OR4K1: variants seen among roughly 807,000 people sequenced by gnomAD.
OR4K1 encodes olfactory receptor family 4 subfamily K member 1.
Under a neutral mutation model 14.4 loss-of-function variants are expected in OR4K1, and 16 were observed. That is an observed-to-expected ratio of 1.11 (90% CI 0.75 to 1.68). The LOEUF (loss-of-function observed/expected upper bound fraction) is 1.68, where lower values mean the gene tolerates loss of function less well. Ranked by LOEUF, OR4K1 falls within the 40% of genes most tolerant of loss-of-function variation. The pLI is 0.00. For missense variants in OR4K1, 548 were observed against 376.9 expected (o/e 1.45, Z -3.76); for synonymous variants, 181 against 133.1 (o/e 1.36, Z -2.48).
chr14:19,935,915 A>G lies in OR4K1; in HGVS notation c.249A>G (p.Val83=). ...ACTTTGCCACCCCCAAGATGCTTGT[A>G]GACTTTTTTATTGAGCGCAAGACTA... ...QSNFATPKML[V]DFFIERKTIS... The change falls in exon 2 of 2, where the codon GTA becomes GTG. Residue 83 remains valine (V), a synonymous_variant. Coordinates refer to ENST00000641172, the MANE Select transcript of OR4K1 (RefSeq NM_001004063.3). 1.2e-6 allele frequency: 2 copies of G among 1,614,226 alleles called. No individual in the cohort carries two copies. The highest frequency in any genetic ancestry group is 1.7e-6 in the Non-Finnish European group (2 of 1,180,038).
upstream of OR4K1, among the ~76,000 whole-genome samples, chr14:19,929,093 T>C (rs1174082631): frequency 6.6e-6 from 1 of 151,880 alleles, no homozygotes; most frequent in Non-Finnish European, 1.5e-5. Context: ...CTTCACGTGC[T>C]TTTTTCTAAT....
rs1442745081 is a variant in OR4K1, at chr14:19,936,244, A to G, written c.578A>G (p.Tyr193Cys). 1 of 1,614,210 alleles carries G rather than the reference A, an allele frequency of 6.2e-7. No individual in the cohort carries two copies. Among genetic ancestry groups the G allele is most frequent in the East Asian group, 2.2e-5 (1 of 44,888 alleles). ...ATAGAGCTGGCTTGCATGGATACAT[A>G]TGAAATGGAAATTATGACCCTAACG... ...LVIELACMDTYEMEIMTLTNS... is the reference protein window; with the variant it reads ...LVIELACMDTCEMEIMTLTNS... The change falls in exon 2 of 2, where the codon TAT becomes TGT. Residue 193 changes from tyrosine to cysteine, a missense_variant. Coordinates refer to ENST00000641172, the MANE Select transcript of OR4K1 (RefSeq NM_001004063.3).
chr14:19,921,127 T>C, the OR4K1 span: 1 of 1,614,082 alleles, frequency 6.2e-7, no homozygotes, highest in South Asian at 1.1e-5. Context: ...CCTAATGTAG[T>C]AGACAGCTTT....
At chr14:19,920,552 C>G in the OR4K1 span, 5 of 1,522,360 alleles carry the variant, frequency 3.3e-6, no homozygotes, top group Admixed American at 8.9e-5. Flanking sequence ...ATTCTGATTC[C>G]TTTCTATTTA....
upstream of OR4K1, among the ~76,000 whole-genome samples, chr14:19,930,631 G>C (rs1882164161): frequency 6.6e-6 from 1 of 152,198 alleles, no homozygotes; most frequent in Admixed American, 6.5e-5. Context: ...AGAGAGTTAG[G>C]AGTTGAATAC....
the OR4K1 span, chr14:19,921,433 C>T: frequency 1.9e-6 from 3 of 1,614,144 alleles, no homozygotes; most frequent in South Asian, 2.2e-5. Flanking sequence ...ATATTTTACA[C>T]TGTTTTCACC....
the OR4K1 span, chr14:19,921,136 T>C: frequency 6.2e-7 from 1 of 1,614,176 alleles, no homozygotes; most frequent in Non-Finnish European, 8.5e-7. Context: ...GTAGACAGCT[T>C]TTTTTGTGAT....
At chr14:19,927,882 T>C (rs963968994), upstream of OR4K1, among the ~76,000 whole-genome samples, 1 of 152,202 alleles carries the variant, frequency 6.6e-6, no homozygotes, top group Non-Finnish European at 1.5e-5. Context: ...ACAGAGATTG[T>C]CTCTGGAATT....
chr14:19,930,785 C>T (rs1294467109), upstream of OR4K1: 1 of 152,242 alleles, frequency 6.6e-6, no homozygotes, highest in East Asian at 1.9e-4. Context: ...CATAATTACT[C>T]CCACTGGAAA....
upstream of OR4K1, among the ~76,000 whole-genome samples, chr14:19,926,784 T>G (rs1201305902): frequency 6.6e-6 from 1 of 152,246 alleles, no homozygotes; most frequent in Non-Finnish European, 1.5e-5. Context: ...TCCAATGAAA[T>G]GGAGATATCC....
upstream of OR4K1, among the ~76,000 whole-genome samples, chr14:19,929,088 C>T (rs548311376): frequency 9.9e-5 from 15 of 151,886 alleles, no homozygotes; most frequent in African/African-American, 2.6e-4. Context: ...AAAATCTTCA[C>T]GTGCTTTTTT....
At chr14:19,920,969 C>G in the OR4K1 span, 7 of 1,614,036 alleles carry the variant, frequency 4.3e-6, no homozygotes, top group Non-Finnish European at 5.9e-6. Flanking sequence ...TGGCCTATGA[C>G]AGGTATGTAG....
upstream of OR4K1, among the ~76,000 whole-genome samples, chr14:19,928,855 T>G (rs59041887): frequency 1.3e-3 from 196 of 152,260 alleles, no homozygotes; most frequent in African/African-American, 4.4e-3. Context: ...TTCTTTATTT[T>G]AATTACTAAT....
chr14:19,934,799 T>C (rs541458476), intron 1 of OR4K1, among the ~76,000 whole-genome samples: 1 of 152,262 alleles, frequency 6.6e-6, no homozygotes, highest in African/African-American at 2.4e-5. Context: ...GCCTCCCAAG[T>C]AGGGGGGAAT....
chr14:19,928,890 G>T (rs1191609237), upstream of OR4K1, among the ~76,000 whole-genome samples: 3 of 152,002 alleles, frequency 2.0e-5, no homozygotes, highest in Non-Finnish European at 4.4e-5. Context: ...CAAGGAATTA[G>T]TCTCATTGGT....
At chr14:19,921,756 ATC>A in the OR4K1 span, 1 of 682,336 alleles carries the variant, frequency 1.5e-6, no homozygotes, top group Non-Finnish European at 2.2e-6. Context: ...ACATGGAAAA[ATC>A]TCTGTTTAGA....
chr14:19,935,921 T>C lies in OR4K1; in HGVS notation c.255T>C (p.Phe85=), dbSNP rs145897406. Residue 85 remains phenylalanine, a synonymous_variant, in exon 2 of 2, where the codon TTT becomes TTC. Coordinates refer to ENST00000641172, the MANE Select transcript of OR4K1 (RefSeq NM_001004063.3). ...CCACCCCCAAGATGCTTGTAGACTT[T>C]TTTATTGAGCGCAAGACTATCTCCT... ...NFATPKMLVD[F]FIERKTISFE... 1,664 of 1,613,960 alleles carry C rather than the reference T, an allele frequency of 1.0e-3. No individual in the cohort carries two copies. The highest frequency in any genetic ancestry group is 1.3e-3 in the Non-Finnish European group (1,496 of 1,179,776).
upstream of OR4K1, among the ~76,000 whole-genome samples, chr14:19,929,426 G>GAGAC (rs1882137823): frequency 2.6e-5 from 4 of 151,226 alleles, no homozygotes; most frequent in African/African-American, 9.7e-5. Flanking sequence ...GAGAGAGAGA[G>GAGAC]AGACAGAGAC....
chr14:19,922,226 A>G, the OR4K1 span, among the ~76,000 whole-genome samples: 3 of 152,234 alleles, frequency 2.0e-5, no homozygotes, highest in East Asian at 5.8e-4. Context: ...TTCCTTTTAG[A>G]TTATGAGTTG....
Sources: gnomAD v4.1 joint callset for allele counts (sites outside exome capture counted in the v4.1 genomes callset) on GRCh38, gnomAD v4.1.1 for gene constraint, MANE v1.5 for transcripts, NCBI Gene and HGNC (gene_info 2026-07-23, HGNC 2026-07-21) for gene names.